Variants in CERS3 observed in about 807,000 individuals in gnomAD.
The protein encoded by CERS3 is ceramide synthase 3, also known as LAG1 homolog, ceramide synthase 3.
In CERS3, 33 loss-of-function variants were observed where a neutral mutation model predicts 50.3. The ratio of observed to expected loss-of-function variants is 0.66; its 90% CI spans 0.50 to 0.88. The LOEUF (loss-of-function observed/expected upper bound fraction) is 0.88, where lower values mean the gene tolerates loss of function less well. Among genes scored for constraint, CERS3 ranks in the 40% least tolerant of loss-of-function variants. The pLI, the probability that CERS3 is intolerant of heterozygous loss-of-function variation, is 0.00. For missense variants in CERS3, 470 were observed against 460.3 expected, an observed-to-expected ratio of 1.02 and a Z score of -0.19; for synonymous variants, 176 against 155.2, an observed-to-expected ratio of 1.13 and a Z score of -0.99.
chr15:100,518,191 C>T (rs1407629211), intron 2 of CERS3, among the ~76,000 whole-genome samples: 3 of 151,994 alleles, frequency 2.0e-5, no homozygotes, highest in East Asian at 3.8e-4. Context: ...TAAAACACCC[C>T]GATTTTAAAT....
intron 1 of CERS3, among the ~76,000 whole-genome samples, chr15:100,541,964 G>C (rs9788652): frequency 0.5 from 76,038 of 151,888 alleles, 19,354 homozygotes; most frequent in South Asian, 0.6. Flanking sequence ...AATGTCTGGA[G>C]TAACCATTAG....
intron 4 of CERS3, among the ~76,000 whole-genome samples, chr15:100,489,883 C>T (rs1217469018): frequency 6.6e-6 from 1 of 152,186 alleles, no homozygotes; most frequent in Non-Finnish European, 1.5e-5. Context: ...CCATATCTCA[C>T]GCGAGGTGGT....
intron 10 of CERS3, among the ~76,000 whole-genome samples, chr15:100,466,347 A>T (rs2034715138): frequency 6.6e-6 from 1 of 152,240 alleles, no homozygotes. Context: ...AATATTGCAG[A>T]AACTTCTCAG....
chr15:100,504,263 G>A (rs1339060931), intron 2 of CERS3, among the ~76,000 whole-genome samples: 1 of 119,814 alleles, frequency 8.3e-6, no homozygotes, highest in Non-Finnish European at 1.7e-5. Context: ...TTTTTTTTGA[G>A]ATGGAGTTTC....
intron 11 of CERS3, among the ~76,000 whole-genome samples, chr15:100,433,126 C>T (rs2033217364): frequency 6.6e-6 from 1 of 151,724 alleles, no homozygotes; most frequent in South Asian, 2.1e-4. Flanking sequence ...GTCCCAGCTG[C>T]TCAGGAAGCT....
At chr15:100,439,193 C>A (rs904626704) in intron 11 of CERS3, among the ~76,000 whole-genome samples, 2 of 152,102 alleles carry the variant, frequency 1.3e-5, no homozygotes, top group African/African-American at 4.8e-5. Context: ...CATTCAAGAG[C>A]AAAAGCAAAT....
At chr15:100,406,519 T>C (rs1245704105) in intron 11 of CERS3, among the ~76,000 whole-genome samples, 1 of 152,168 alleles carries the variant, frequency 6.6e-6, no homozygotes, top group East Asian at 1.9e-4. Flanking sequence ...CTCATCTCTG[T>C]ATGTTCGGTG....
At chr15:100,534,482 T>G (rs1224368483) in intron 1 of CERS3, among the ~76,000 whole-genome samples, 1 of 151,672 alleles carries the variant, frequency 6.6e-6, no homozygotes, top group African/African-American at 2.4e-5. Context: ...TAATGATTAT[T>G]AGTATTGTCA....
chr15:100,481,513 A>G (rs2035300813), intron 5 of CERS3, among the ~76,000 whole-genome samples: 1 of 152,246 alleles, frequency 6.6e-6, no homozygotes, highest in Non-Finnish European at 1.5e-5. Context: ...CAACCCACAA[A>G]TGAAGCCAAA....
At chr15:100,458,132 T>G (rs2034434743) in intron 10 of CERS3, among the ~76,000 whole-genome samples, 1 of 152,240 alleles carries the variant, frequency 6.6e-6, no homozygotes, top group Non-Finnish European at 1.5e-5. Flanking sequence ...AAGAAGAGTT[T>G]CACTGAACTC....
Position 100,402,256 on chromosome 15 carries a change from T to C in CERS3, c.*457A>G, listed in dbSNP as rs2030599639. On this transcript the variant is annotated 3_prime_UTR_variant, in exon 12 of 12. Coordinates refer to ENST00000679737, the MANE Select transcript of CERS3 (RefSeq NM_001378789.1). ...AGGATGGAAGTGTCTCCTGGTGTGG[T>C]CCTTCCGCTCCTGTCCCACTGCCAC... 6.4e-6 allele frequency: 1 copy of C among 157,038 alleles called. No individual in the cohort carries two copies. The allele number at this position is 157,038 out of a possible 1,614,324, so 9.7% of individuals were successfully genotyped here. A position where few individuals can be genotyped will look rare whatever the true frequency, so the allele number is the denominator to read the frequency against.
rs1335672012 is a variant in CERS3 at position 100,490,918 on chromosome 15, G to C, written c.187C>G (p.Pro63Ala). 5 of 1,592,514 alleles carry C rather than the reference G, an allele frequency of 3.1e-6. No individual in the cohort carries two copies. The highest frequency in any genetic ancestry group is 3.4e-6 in the Non-Finnish European group (4 of 1,169,714). ...RRVFEKFVASPLAKSFGIKET... is the reference protein window; with the variant it reads ...RRVFEKFVASALAKSFGIKET... ...TTAATGCCAAATGATTTTGCTAGAG[G>C]TGAAGCAACAAATCTACAAAAATAT... The change falls in exon 4 of 12, where the codon CCT (proline) becomes GCT (alanine). Residue 63 changes from proline (P) to alanine (A), a missense_variant. Transcript: ENST00000679737.
At chr15:100,472,288 T>C (rs1442533558) in intron 9 of CERS3, among the ~76,000 whole-genome samples, 1 of 152,044 alleles carries the variant, frequency 6.6e-6, no homozygotes, top group Non-Finnish European at 1.5e-5. Flanking sequence ...CTGCCTGGGG[T>C]CAACAAGAAT....
chr15:100,410,722 A>C (rs2142057173), intron 11 of CERS3, among the ~76,000 whole-genome samples: 1 of 152,330 alleles, frequency 6.6e-6, no homozygotes, highest in East Asian at 1.9e-4. Flanking sequence ...AATTTTTTAG[A>C]CACAGAATAC....
At chr15:100,543,884 CT>C (rs1277939892) in intron 1 of CERS3, among the ~76,000 whole-genome samples, 2 of 152,196 alleles carry the variant, frequency 1.3e-5, no homozygotes, top group African/African-American at 2.4e-5. Flanking sequence ...TTCTGGACCC[CT>C]GATACATGTT....
chr15:100,400,628 A>C lies in CERS3; in HGVS notation c.*2085T>G, dbSNP rs1193568546. The stretch of plus-strand genomic sequence containing the variant: ...TATCAGAAATAGTTAAAATTGGTAT[A>C]TCAATTTTACCTTCAACATTCAAAT... On this transcript the variant is annotated 3_prime_UTR_variant, in exon 12 of 12. Coordinates refer to ENST00000679737, the MANE Select transcript of CERS3 (RefSeq NM_001378789.1). The C allele has an allele frequency of 6.6e-6, 1 of 152,150 alleles. No homozygotes were observed. The highest frequency in any genetic ancestry group is 1.5e-5 in the Non-Finnish European group (1 of 68,026). The allele number at this position is 152,150 out of a possible 1,614,324, so 9.4% of individuals were successfully genotyped here.
chr15:100,441,550 C>A (rs2033683814), intron 11 of CERS3, among the ~76,000 whole-genome samples: 1 of 151,972 alleles, frequency 6.6e-6, no homozygotes, highest in Admixed American at 6.6e-5. Context: ...ACCCTCCATT[C>A]CCCCTTCTTC....
At chr15:100,531,673 A>G (rs571700425), upstream of CERS3, among the ~76,000 whole-genome samples, 5 of 152,248 alleles carry the variant, frequency 3.3e-5, no homozygotes, top group Non-Finnish European at 7.3e-5. Flanking sequence ...ATAGAACCCC[A>G]GGAAGCATTA....
chr15:100,406,201 T>G (rs1335579337), intron 11 of CERS3, among the ~76,000 whole-genome samples: 1 of 152,158 alleles, frequency 6.6e-6, no homozygotes, highest in Non-Finnish European at 1.5e-5. Flanking sequence ...GCATGTCCAG[T>G]GATAGACATG....
Sources: gnomAD v4.1 joint callset for allele counts (sites outside exome capture counted in the v4.1 genomes callset) on GRCh38, gnomAD v4.1.1 for gene constraint, MANE v1.5 for transcripts, NCBI Gene and HGNC (gene_info 2026-07-23, HGNC 2026-07-21) for gene names.